Variants in MAGI2 observed in about 807,000 individuals in gnomAD.
MAGI2 encodes membrane associated guanylate kinase, WW and PDZ domain containing 2.
MAGI2 carries 35 observed loss-of-function variants against 133.3 expected under a neutral mutation model. That is an observed-to-expected ratio of 0.26 (90% CI 0.20 to 0.35). The LOEUF (loss-of-function observed/expected upper bound fraction) is 0.35, where lower values mean the gene tolerates loss of function less well. Ranked by LOEUF, MAGI2 falls within the 10% of genes least tolerant of loss-of-function variation. The pLI is 1.00. For synonymous variants in MAGI2, 729 were observed against 710.6 expected, an observed-to-expected ratio of 1.03 and a Z score of -0.41; for missense variants, 1,636 against 1,863.4, an observed-to-expected ratio of 0.88 and a Z score of 2.25.
chr7:78,587,793 G>A (rs1803579415), intron 3 of MAGI2, among the ~76,000 whole-genome samples: 1 of 152,072 alleles, frequency 6.6e-6, no homozygotes, highest in Admixed American at 6.5e-5. Flanking sequence ...TAAATTCAAG[G>A]CAATTTTACC....
At chr7:78,735,998 T>C (rs934050930) in intron 2 of MAGI2, among the ~76,000 whole-genome samples, 12 of 152,340 alleles carry the variant, frequency 7.9e-5, no homozygotes, top group Non-Finnish European at 1.8e-4. Context: ...CTAAGTGATG[T>C]TCTGAAAACA....
chr7:78,262,695 C>T (rs1793627885), intron 9 of MAGI2, among the ~76,000 whole-genome samples: 1 of 152,162 alleles, frequency 6.6e-6, no homozygotes, highest in African/African-American at 2.4e-5. Flanking sequence ...TATTCAACTA[C>T]TATGAGCCGG....
chr7:78,112,188 C>T (rs3807729), intron 20 of MAGI2, among the ~76,000 whole-genome samples: 24,100 of 152,162 alleles, frequency 0.16, 2,215 homozygotes, highest in Non-Finnish European at 0.22. Context: ...CTACTAGCCT[C>T]CAGCACACCT....
chr7:78,060,587 A>G lies in MAGI2; in HGVS notation c.3706+18360T>C, dbSNP rs146934047. ...AGAACAGGAAAGAAGCATGAGGGCT[A>G]TGAGACTTCAGACGACTGAGAGATC... is the stretch of plus-strand genomic sequence containing the variant. On this transcript the variant is annotated intron_variant, in intron 21 of 21. Coordinates refer to ENST00000354212, the MANE Select transcript of MAGI2 (RefSeq NM_012301.4). 7.2e-4 allele frequency among the ~76,000 whole-genome samples: 110 copies of G among 152,374 alleles called. 3 individuals carry two copies. In the East Asian group the frequency reaches 0.019, roughly 26 times the overall value.
chr7:78,231,983 C>A (rs891103156), intron 10 of MAGI2, among the ~76,000 whole-genome samples: 2 of 151,776 alleles, frequency 1.3e-5, no homozygotes, highest in East Asian at 1.9e-4. Context: ...TAGTTACAAA[C>A]CCACCCCTGG....
chr7:78,471,783 G>A (rs1791228367), intron 6 of MAGI2, among the ~76,000 whole-genome samples: 1 of 151,956 alleles, frequency 6.6e-6, no homozygotes, highest in Admixed American at 6.6e-5. Context: ...AAATTAGCCA[G>A]GTATGGTGGT....
At chr7:79,129,281 T>A (rs974857394) in intron 1 of MAGI2, among the ~76,000 whole-genome samples, 1 of 152,220 alleles carries the variant, frequency 6.6e-6, no homozygotes, top group African/African-American at 2.4e-5. Flanking sequence ...TATTGACTAA[T>A]GTACTGAAAG....
chr7:79,020,116 G>A (rs1397735151), intron 1 of MAGI2, among the ~76,000 whole-genome samples: 1 of 152,186 alleles, frequency 6.6e-6, no homozygotes, highest in Non-Finnish European at 1.5e-5. Context: ...GTCTCAGTTG[G>A]AGATGAGGAA....
chr7:79,168,454 G>A (rs558252465), intron 1 of MAGI2, among the ~76,000 whole-genome samples: 51 of 152,130 alleles, frequency 3.4e-4, no homozygotes, highest in East Asian at 1.4e-3. Context: ...AACACAAAGC[G>A]TTATACAGTA....
chr7:78,462,837 G>A (rs755843188), intron 6 of MAGI2, among the ~76,000 whole-genome samples: 8 of 152,234 alleles, frequency 5.3e-5, no homozygotes, highest in Admixed American at 1.3e-4. Flanking sequence ...ACAAACCCGC[G>A]TGGTTCCTGA....
At chr7:79,399,090 C>CTTTTTTTTTTTTTTTTTTTTTTTTT (rs1337058211) in intron 1 of MAGI2, among the ~76,000 whole-genome samples, 4 of 101,434 alleles carry the variant, frequency 3.9e-5, no homozygotes, top group African/African-American at 1.0e-4. Flanking sequence ...TTTTTTTTTT[C>CTTTTTTTTTTTTTTTTTTTTTTTTT]TTTTCTTTTT....
chr7:78,096,274 C>T (rs1038281425), intron 20 of MAGI2, among the ~76,000 whole-genome samples: 1 of 152,134 alleles, frequency 6.6e-6, no homozygotes, highest in African/African-American at 2.4e-5. Flanking sequence ...ACTAATATCA[C>T]TTATTAACTT....
intron 9 of MAGI2, among the ~76,000 whole-genome samples, chr7:78,284,631 A>G (rs917237545): frequency 1.3e-5 from 2 of 152,224 alleles, no homozygotes; most frequent in East Asian, 3.9e-4. Context: ...GGAATAATAT[A>G]GTTCACTGAG....
intron 21 of MAGI2, chr7:78,065,757 A>G (rs1387923911): frequency 1.5e-5 from 8 of 527,044 alleles, no homozygotes; most frequent in African/African-American, 1.9e-5. Context: ...AAGATTGCTT[A>G]GTATGTTTAG....
chr7:78,598,219 T>C (rs1804819989), intron 3 of MAGI2, among the ~76,000 whole-genome samples: 1 of 152,162 alleles, frequency 6.6e-6, no homozygotes, highest in Non-Finnish European at 1.5e-5. Flanking sequence ...TCAAGGATTG[T>C]ATAGTCTAGT....
intron 1 of MAGI2, among the ~76,000 whole-genome samples, chr7:79,242,937 C>T (rs1832530567): frequency 6.6e-6 from 1 of 152,006 alleles, no homozygotes. Flanking sequence ...AAACAAGTGG[C>T]TAGGCACAGT....
intron 1 of MAGI2, among the ~76,000 whole-genome samples, chr7:79,331,881 G>T (rs935274811): frequency 6.6e-6 from 1 of 151,576 alleles, no homozygotes; most frequent in Admixed American, 6.6e-5. Context: ...CACCAGCATG[G>T]CACATGTATA....
chr7:78,322,092 A>G (rs1013092755), intron 9 of MAGI2, among the ~76,000 whole-genome samples: 1 of 152,244 alleles, frequency 6.6e-6, no homozygotes, highest in African/African-American at 2.4e-5. Flanking sequence ...AATGGTGATC[A>G]TTGAAAAGTC....
intron 2 of MAGI2, among the ~76,000 whole-genome samples, chr7:78,941,326 A>G (rs545786749): frequency 4.3e-4 from 66 of 152,100 alleles, no homozygotes; most frequent in Non-Finnish European, 8.4e-4. Flanking sequence ...TGCTCAACAC[A>G]TACAAGGTAA....
Sources: allele counts gnomAD v4.1 joint callset (sites outside exome capture counted in the v4.1 genomes callset), GRCh38; gene constraint gnomAD v4.1.1; transcripts MANE v1.5; gene names NCBI Gene and HGNC (gene_info 2026-07-23, HGNC 2026-07-21).